Variants in FUT2 observed in about 807,000 individuals in gnomAD.
FUT2 encodes fucosyltransferase 2 (H blood group), also known as galactoside alpha-(1,2)-fucosyltransferase 2.
For missense variants in FUT2, 419 were observed against 465.8 expected (o/e 0.90, Z 0.93); for synonymous variants, 182 against 193.1 (o/e 0.94, Z 0.48).
chr19:48,697,035 G>A (rs1486469735), intron 1 of FUT2, among the ~76,000 whole-genome samples: 1 of 151,970 alleles, frequency 6.6e-6, no homozygotes, highest in Non-Finnish European at 1.5e-5. Context: ...AGAGGAGGAA[G>A]CCGGGCCGCA....
chr19:48,697,790 G>A (rs949318792), intron 1 of FUT2, among the ~76,000 whole-genome samples: 4 of 151,892 alleles, frequency 2.6e-5, no homozygotes, highest in Admixed American at 6.6e-5. Flanking sequence ...CGCCTCCCAG[G>A]TTCAAGCGAT....
At chr19:48,697,272 G>A (rs568769993) in intron 1 of FUT2, among the ~76,000 whole-genome samples, 1 of 150,098 alleles carries the variant, frequency 6.7e-6, no homozygotes, top group Non-Finnish European at 1.5e-5. Context: ...TTGAACCCGG[G>A]AGGCGGAGGT....
chr19:48,704,105 T>C lies in FUT2; in HGVS notation c.*117T>C. ...CCCATCTCTCTTCTGTGAAGATGCG[T>C]TGGGCTGCAAGTAACAGAAATCTCA... On this transcript the variant is annotated 3_prime_UTR_variant, in exon 2 of 2. Transcript: ENST00000425340. The C allele has an allele frequency of 2.0e-6, 2 of 1,004,456 alleles. No homozygotes were observed. Among genetic ancestry groups the C allele is most frequent in the South Asian group, 1.4e-5 (1 of 74,012 alleles). 62.2% of individuals were successfully genotyped at this position (1,004,456 alleles called of 1,614,324 possible).
chr19:48,704,965 G>C lies in FUT2; in HGVS notation c.*977G>C. On this transcript the variant is annotated 3_prime_UTR_variant, in exon 2 of 2. Transcript: ENST00000425340. ...GAGTAGACAACAGAGATGCCCTGAGGGGTTGTGTAGGTTGTTCACTGCAGG... is the reference window on the plus strand; with the variant it reads ...GAGTAGACAACAGAGATGCCCTGAGCGGTTGTGTAGGTTGTTCACTGCAGG... The C allele has an allele frequency of 2.4e-6, 1 of 411,742 alleles. No individual in the cohort carries two copies. The highest frequency in any genetic ancestry group is 4.4e-6 in the Non-Finnish European group (1 of 225,770). The allele number at this position is 411,742 out of a possible 1,614,324, so 25.5% of individuals were successfully genotyped here. A position where few individuals can be genotyped will look rare whatever the true frequency, so the allele number is the denominator to read the frequency against.
intron 1 of FUT2, 104 bp from the exon 2 acceptor site, chr19:48,702,851 C>G (rs679574): frequency 0.44 from 475,815 of 1,077,822 alleles, 114,021 homozygotes; most frequent in Middle Eastern, 0.53. Flanking sequence ...AGTAGAAGCA[C>G]ACACACACCC....
intron 1 of FUT2, among the ~76,000 whole-genome samples, chr19:48,701,475 G>A (rs938190039): frequency 6.1e-5 from 9 of 148,266 alleles, no homozygotes; most frequent in East Asian, 4.5e-4. Flanking sequence ...CACCGCGCCC[G>A]GCCACAACTC....
In FUT2 at chr19:48,703,986, T is replaced by G; in HGVS notation, c.1030T>G (p.Ter344GluextTer6). 6.2e-7 allele frequency: 1 copy of G among 1,613,206 alleles called. No individual in the cohort carries two copies. The highest frequency in any genetic ancestry group is 8.5e-7 in the Non-Finnish European group (1 of 1,179,858). The change falls in exon 2 of 2, where the codon TAA (stop) becomes GAA (glutamate). Residue 344 changes from the stop codon to glutamate, a stop_lost. Transcript: ENST00000425340. ...AADLSPLLKH[*>E] ...AGACCTGTCCCCCTTACTCAAGCACTAATGCTGGCCCATTCTTTGAGACCT... is the reference window on the plus strand; with the variant it reads ...AGACCTGTCCCCCTTACTCAAGCACGAATGCTGGCCCATTCTTTGAGACCT...
At chr19:48,702,898 C>A in intron 1 of FUT2, 57 bp from the exon 2 acceptor site, 2 of 1,562,980 alleles carry the variant, frequency 1.3e-6, no homozygotes, top group South Asian at 1.1e-5. Context: ...GCCACGTTCA[C>A]CAGCGCCCCG....
intron 1 of FUT2, among the ~76,000 whole-genome samples, chr19:48,698,021 A>G (rs1409081007): frequency 9.4e-6 from 1 of 106,520 alleles, no homozygotes; most frequent in Non-Finnish European, 1.8e-5. Context: ...TTTTTTTGAG[A>G]CGGAGTCTCA....
At chr19:48,701,577 G>T (rs1433463621) in intron 1 of FUT2, among the ~76,000 whole-genome samples, 1 of 152,114 alleles carries the variant, frequency 6.6e-6, no homozygotes, top group Non-Finnish European at 1.5e-5. Flanking sequence ...AGTTCAACTG[G>T]CTGCGGCCAG....
At position 48,703,034 on chromosome 19, in the gene FUT2, T is replaced by G. The variant is rs996368917; in HGVS notation, c.78T>G (p.Phe26Leu). The change falls in exon 2 of 2, where the codon TTT (phenylalanine) becomes TTG (leucine). Residue 26 changes from phenylalanine (F) to leucine (L), a missense_variant. Coordinates refer to ENST00000425340, the MANE Select transcript of FUT2 (RefSeq NM_000511.6). ...ILFVFTVSTIFHVQQRLAKIQ... is the reference protein window; with the variant it reads ...ILFVFTVSTILHVQQRLAKIQ... ...TTGTCTTTACGGTTTCCACTATATTTCACGTTCAGCAGCGGCTAGCGAAGA... is the reference window on the plus strand; with the variant it reads ...TTGTCTTTACGGTTTCCACTATATTGCACGTTCAGCAGCGGCTAGCGAAGA... 9 of 1,613,016 alleles carry G rather than the reference T, an allele frequency of 5.6e-6. No homozygotes were observed. In the East Asian group the frequency reaches 2.0e-4, roughly 36 times the overall value.
chr19:48,704,983 A>G lies in FUT2; in HGVS notation c.*995A>G. Reference sequence around the variant, plus strand: ...CCCTGAGGGGTTGTGTAGGTTGTTCACTGCAGGAAGTCCCCTGGTTAAGAA... The same window carrying G: ...CCCTGAGGGGTTGTGTAGGTTGTTCGCTGCAGGAAGTCCCCTGGTTAAGAA... On this transcript the variant is annotated 3_prime_UTR_variant, in exon 2 of 2. Transcript: ENST00000425340. The G allele has an allele frequency of 2.4e-6, 1 of 411,498 alleles. No homozygotes were observed. 25.5% of individuals were successfully genotyped at this position (411,498 alleles called of 1,614,324 possible).
chr19:48,699,604 A>C (rs1196891308), intron 1 of FUT2, among the ~76,000 whole-genome samples: 1 of 152,044 alleles, frequency 6.6e-6, no homozygotes, highest in Admixed American at 6.6e-5. Flanking sequence ...CCTAAAACGA[A>C]CAGCATTCTT....
intron 1 of FUT2, among the ~76,000 whole-genome samples, chr19:48,700,446 C>A (rs1420269799): frequency 6.6e-6 from 1 of 151,842 alleles, no homozygotes; most frequent in African/African-American, 2.4e-5. Flanking sequence ...CCTGCCTCAA[C>A]CTCCTGAGTA....
rs1266185649 is a variant in FUT2, at chr19:48,700,336, T to TA, written c.-2-2619_-2-2618insA. Among the ~76,000 whole-genome samples, 1,116 of 150,768 alleles carry TA rather than the reference T, an allele frequency of 7.4e-3. 21 individuals carry two copies. Among genetic ancestry groups the TA allele is most frequent in the African/African-American group, 0.026 (1,065 of 41,202 alleles). Reference sequence around the variant, plus strand: ...GTGCTACCATTTATTTTATTTTATTTTTTTTTTTGAGACGGAGTCTCGCTC... The same window carrying TA: ...GTGCTACCATTTATTTTATTTTATTTATTTTTTTTGAGACGGAGTCTCGCTC... On this transcript the variant is annotated intron_variant, in intron 1 of 1. Transcript: ENST00000425340.
At position 48,703,007 on chromosome 19, in the gene FUT2, CTT is replaced by C. The variant is rs779566586; in HGVS notation, c.53_54del (p.Phe18CysfsTer226). ...CCTTTCCCATGGCCCACTTCATCCT[CTT>C]TGTCTTTACGGTTTCCACTATATTT... ...FSFPMAHFIL[F>X]VFTVSTIFHV... On this transcript the variant is annotated frameshift_variant, in exon 2 of 2. Transcript: ENST00000425340. LOFTEE classifies it low-confidence loss of function (END_TRUNC). 31 of 1,613,170 alleles carry C rather than the reference CTT, an allele frequency of 1.9e-5. No homozygotes were observed. Among genetic ancestry groups the C allele is most frequent in the Non-Finnish European group, 2.6e-5 (31 of 1,180,042 alleles).
rs2032553203 is a variant in FUT2, at chr19:48,703,204, A to G, written c.248A>G (p.Tyr83Cys). 6.2e-7 allele frequency: 1 copy of G among 1,613,356 alleles called. No homozygotes were observed. Among genetic ancestry groups the G allele is most frequent in the African/African-American group, 1.3e-5 (1 of 74,914 alleles). The change falls in exon 2 of 2, where the codon TAC becomes TGC. Residue 83 changes from tyrosine (Y) to cysteine (C), a missense_variant. Transcript: ENST00000425340. ...CAGATGGGCGAGTACGCCACACTGT[A>G]CGCCCTGGCCAAGATGAACGGGCGG... ...GNQMGEYATL[Y>C]ALAKMNGRPA...
Position 48,703,190 on chromosome 19 carries a change from G to C in FUT2, c.234G>C (p.Glu78Asp), listed in dbSNP as rs755337838. 26 of 1,613,526 alleles carry C rather than the reference G, an allele frequency of 1.6e-5. No individual in the cohort carries two copies. The highest frequency in any genetic ancestry group is 2.1e-5 in the Non-Finnish European group (25 of 1,180,024). Reference sequence around the variant, plus strand: ...GCCGCCTGGGGAACCAGATGGGCGAGTACGCCACACTGTACGCCCTGGCCA... The same window carrying C: ...GCCGCCTGGGGAACCAGATGGGCGACTACGCCACACTGTACGCCCTGGCCA... ...AIGRLGNQMG[E>D]YATLYALAKM... The change falls in exon 2 of 2, where the codon GAG becomes GAC. Residue 78 changes from glutamate to aspartate, a missense_variant. Physicochemically the swap from Glu to Asp is conservative, Grantham distance 45 (BLOSUM62 2). Coordinates refer to ENST00000425340, the MANE Select transcript of FUT2 (RefSeq NM_000511.6).
chr19:48,703,893 G>C lies in FUT2; in HGVS notation c.937G>C (p.Asp313His), dbSNP rs772180398. The C allele has an allele frequency of 5.0e-6, 8 of 1,613,494 alleles. No homozygotes were observed. In the South Asian group the frequency reaches 6.6e-5, roughly 13 times the overall value. Residue 313 changes from aspartate to histidine, a missense_variant, in exon 2 of 2, where the codon GAC becomes CAC. Asp to His is a moderately conservative substitution (Grantham distance 81). Coordinates refer to ENST00000425340, the MANE Select transcript of FUT2 (RefSeq NM_000511.6). ...TIYLANYTLP[D>H]SPFLKIFKPE... ...CTACCTGGCCAATTACACCCTCCCC[G>C]ACTCCCCTTTCCTCAAAATCTTTAA...
Sources: gnomAD v4.1 joint callset for allele counts (sites outside exome capture counted in the v4.1 genomes callset) on GRCh38, gnomAD v4.1.1 for gene constraint, MANE v1.5 for transcripts, NCBI Gene and HGNC (gene_info 2026-07-23, HGNC 2026-07-21) for gene names.